Variants in SRGAP2B observed in about 807,000 individuals in gnomAD.
SRGAP2B encodes the protein SLIT-ROBO Rho GTPase activating protein 2B.
SRGAP2B carries 9 observed loss-of-function variants against 22.2 expected under a neutral mutation model. That is an observed-to-expected ratio of 0.41 (90% CI 0.24 to 0.71). SRGAP2B has a LOEUF of 0.71. Ranked by LOEUF, SRGAP2B falls within the 30% of genes least tolerant of loss-of-function variation. SRGAP2B has a pLI of 0.35. For missense variants in SRGAP2B, 114 were observed against 235.8 expected (o/e 0.48, Z 3.38); for synonymous variants, 36 against 87.4 (o/e 0.41, Z 3.28).
chr1:145,008,897 C>T lies in SRGAP2B; in HGVS notation c.68-13697G>A, dbSNP rs781885946. On this transcript the variant is annotated intron_variant, in intron 2 of 9. Coordinates refer to ENST00000612199, the Ensembl canonical transcript of SRGAP2B. ...AAAAAAAAAAAACAGTCCAGCTGGG[C>T]GCGGTGGCTCACGCCTATAATCCCA... is the stretch of plus-strand genomic sequence containing the variant. 9.4e-5 allele frequency among the ~76,000 whole-genome samples: 14 copies of T among 149,708 alleles called. No homozygotes were observed. In the South Asian group the frequency reaches 1.0e-3, roughly 11 times the overall value.
chr1:145,088,427 G>A (rs1438163065), intron 2 of SRGAP2B, among the ~76,000 whole-genome samples: 1 of 136,074 alleles, frequency 7.3e-6, no homozygotes, highest in African/African-American at 2.8e-5. Flanking sequence ...GCTCTGTGGT[G>A]CACACACACT....
chr1:144,997,198 G>A (rs1203025030), intron 2 of SRGAP2B, among the ~76,000 whole-genome samples: 5 of 150,646 alleles, frequency 3.3e-5, no homozygotes, highest in African/African-American at 9.9e-5. Context: ...GGAGGCCGAG[G>A]CGGGCGGATC....
At chr1:144,944,903 G>A (rs1666376882) in intron 4 of SRGAP2B, among the ~76,000 whole-genome samples, 1 of 149,016 alleles carries the variant, frequency 6.7e-6, no homozygotes, top group African/African-American at 2.6e-5. Context: ...GGGATTACAG[G>A]CATGTACCAC....
rs797036843 is a variant in SRGAP2B, at chr1:144,966,296, G to A, written c.261-10695C>T. The stretch of plus-strand genomic sequence containing the variant: ...CATCAGACTAACAGCAAATCTCTCG[G>A]CAGAAACCCTACAAGCCAGAAGAGA... On this transcript the variant is annotated intron_variant, in intron 3 of 9. Transcript: ENST00000612199. Among the ~76,000 whole-genome samples the A allele has an allele frequency of 4.3e-3, 637 of 149,522 alleles. 21 individuals carry two copies. Among genetic ancestry groups the A allele is most frequent in the South Asian group, 0.035 (168 of 4,744 alleles).
intron 5 of SRGAP2B, among the ~76,000 whole-genome samples, chr1:144,907,126 G>GGT (rs1173250957): frequency 1.4e-5 from 2 of 146,862 alleles, no homozygotes; most frequent in Non-Finnish European, 3.0e-5. Context: ...GTAGAAGTTG[G>GGT]GTGTGTGTGT....
rs1312565482 is a variant in SRGAP2B at position 145,080,319 on chromosome 1, A to G, written c.67+12516T>C. 1.1e-4 allele frequency among the ~76,000 whole-genome samples: 17 copies of G among 148,328 alleles called. 1 individual carries two copies. Among genetic ancestry groups the G allele is most frequent in the African/African-American group, 4.4e-4 (17 of 38,624 alleles). On this transcript the variant is annotated intron_variant, in intron 2 of 9. Transcript: ENST00000612199. ...CTCGATTTTTCTCCAGCTGTGAGGC[A>G]CATCTTCCTACTAGATCGTGATACT...
At chr1:144,951,550 C>A (rs1170667083) in intron 4 of SRGAP2B, among the ~76,000 whole-genome samples, 1 of 148,886 alleles carries the variant, frequency 6.7e-6, no homozygotes, top group African/African-American at 2.6e-5. Flanking sequence ...ATAGTAACTA[C>A]TTTATAAAAT....
At chr1:145,038,421 G>A (rs1255933850) in intron 2 of SRGAP2B, among the ~76,000 whole-genome samples, 1 of 132,962 alleles carries the variant, frequency 7.5e-6, no homozygotes, top group Non-Finnish European at 1.5e-5. Flanking sequence ...AATAATACTC[G>A]TCAACATATG....
At chr1:145,079,833 C>G (rs1349751397) in intron 2 of SRGAP2B, among the ~76,000 whole-genome samples, 2 of 147,902 alleles carry the variant, frequency 1.4e-5, no homozygotes, top group Non-Finnish European at 3.0e-5. Context: ...ACATAAAGAG[C>G]AATGTAAGAG....
At chr1:144,979,685 C>T (rs1328288561) in intron 3 of SRGAP2B, among the ~76,000 whole-genome samples, 1 of 150,414 alleles carries the variant, frequency 6.6e-6, no homozygotes, top group Non-Finnish European at 1.5e-5. Context: ...AGTTCATGCT[C>T]ACTTAGTTCA....
At chr1:144,954,564 A>G (rs1324908737) in intron 4 of SRGAP2B, among the ~76,000 whole-genome samples, 3 of 150,658 alleles carry the variant, frequency 2.0e-5, no homozygotes, top group South Asian at 2.1e-4. Context: ...AATGGTAGAC[A>G]TGACATATCA....
intron 3 of SRGAP2B, among the ~76,000 whole-genome samples, chr1:144,975,366 C>A (rs1420612567): frequency 6.7e-6 from 1 of 149,564 alleles, no homozygotes; most frequent in Non-Finnish European, 1.5e-5. Flanking sequence ...ATTGCAATTG[C>A]AAGTGGTATT....
chr1:145,041,849 G>A (rs1208343275), intron 2 of SRGAP2B, among the ~76,000 whole-genome samples: 5 of 142,378 alleles, frequency 3.5e-5, no homozygotes, highest in Admixed American at 6.8e-5. Context: ...ACCAACTCCT[G>A]TTTATCTTTT....
At chr1:145,006,466 CCT>C (rs1403859727) in intron 2 of SRGAP2B, among the ~76,000 whole-genome samples, 1 of 149,144 alleles carries the variant, frequency 6.7e-6, no homozygotes, top group Non-Finnish European at 1.5e-5. Flanking sequence ...TACGCTTTTG[CCT>C]CTCCCTCTAA....
chr1:145,045,271 T>C (rs1212213116), intron 2 of SRGAP2B, among the ~76,000 whole-genome samples: 29 of 94,398 alleles, frequency 3.1e-4, no homozygotes, highest in Admixed American at 5.6e-4. Flanking sequence ...CACTCCAGCC[T>C]GGGGGACGGA....
intron 2 of SRGAP2B, among the ~76,000 whole-genome samples, chr1:145,005,110 GC>G (rs1671493445): frequency 9.4e-6 from 1 of 106,442 alleles, no homozygotes; most frequent in Non-Finnish European, 2.0e-5. Flanking sequence ...GCCAGGGCCA[GC>G]AGAGAGGGTC....
chr1:144,987,656 C>T (rs1486799728), intron 3 of SRGAP2B, among the ~76,000 whole-genome samples: 1 of 150,908 alleles, frequency 6.6e-6, no homozygotes, highest in Non-Finnish European at 1.5e-5. Context: ...CCTAAGATGC[C>T]TTTCCTATGC....
intron 2 of SRGAP2B, among the ~76,000 whole-genome samples, chr1:145,016,708 C>T (rs1281635913): frequency 8.2e-6 from 1 of 121,936 alleles, no homozygotes; most frequent in African/African-American, 3.3e-5. Context: ...GAACACACTA[C>T]ATGACTTGCT....
At chr1:145,006,190 C>G (rs1671576825) in intron 2 of SRGAP2B, among the ~76,000 whole-genome samples, 1 of 150,906 alleles carries the variant, frequency 6.6e-6, no homozygotes, top group Non-Finnish European at 1.5e-5. Flanking sequence ...ATGTCAACAA[C>G]AAGTACAGAG....
Sources: allele counts gnomAD v4.1 joint callset (sites outside exome capture counted in the v4.1 genomes callset), GRCh38; gene constraint gnomAD v4.1.1; transcripts MANE v1.5; gene names NCBI Gene and HGNC (gene_info 2026-07-23, HGNC 2026-07-21).